Variants in LAMA2 observed in about 807,000 individuals in gnomAD.
LAMA2 encodes the protein laminin subunit alpha 2, also known as laminin subunit alpha-2.
Under a neutral mutation model 364.8 loss-of-function variants are expected in LAMA2, and 269 were observed. The ratio of observed to expected loss-of-function variants is 0.74; its 90% confidence interval spans 0.67 to 0.82. LAMA2 has a LOEUF of 0.82. Among genes scored for constraint, LAMA2 ranks in the 40% least tolerant of loss-of-function variants. The probability of loss-of-function intolerance (pLI) is 0.00; values close to 1 mark genes in which losing one functional copy is unlikely to be tolerated. For missense variants in LAMA2, 3,807 were observed against 3,873.2 expected (o/e 0.98, Z 0.45); for synonymous variants, 1,379 against 1,370.6 (o/e 1.01, Z -0.14).
At chr6:129,289,486 AG>A (rs1789528604) in intron 19 of LAMA2, among the ~76,000 whole-genome samples, 1 of 152,170 alleles carries the variant, frequency 6.6e-6, no homozygotes, top group African/African-American at 2.4e-5. Context: ...CAGTGCTCAT[AG>A]TAGCTGTGCA....
intron 12 of LAMA2, among the ~76,000 whole-genome samples, chr6:129,216,127 A>C (rs537648882): frequency 6.6e-6 from 1 of 152,304 alleles, no homozygotes; most frequent in South Asian, 2.1e-4. Flanking sequence ...TAGCCACAAA[A>C]CAACTAGGAC....
chr6:129,343,478 A>G (rs184357541), intron 30 of LAMA2, among the ~76,000 whole-genome samples: 2 of 152,260 alleles, frequency 1.3e-5, no homozygotes, highest in African/African-American at 4.8e-5. Context: ...GGTAAGCTGG[A>G]TATTGAAGAG....
chr6:129,296,551 T>A (rs1773192458), intron 20 of LAMA2, among the ~76,000 whole-genome samples: 1 of 152,024 alleles, frequency 6.6e-6, no homozygotes, highest in South Asian at 2.1e-4. Flanking sequence ...AAAATCTAAT[T>A]TTCAGTGTGA....
At chr6:129,172,511 T>G (rs1780250577) in intron 9 of LAMA2, among the ~76,000 whole-genome samples, 1 of 152,230 alleles carries the variant, frequency 6.6e-6, no homozygotes, top group Non-Finnish European at 1.5e-5. Context: ...AGGGACCCAC[T>G]TGAGGAGGCA....
chr6:128,935,551 A>G (rs1353948316), intron 1 of LAMA2, among the ~76,000 whole-genome samples: 4 of 152,180 alleles, frequency 2.6e-5, no homozygotes, highest in Admixed American at 2.0e-4. Flanking sequence ...TTATAGTAGC[A>G]TGATTTATAA....
chr6:128,931,885 C>T (rs1779505436), intron 1 of LAMA2, among the ~76,000 whole-genome samples: 2 of 152,088 alleles, frequency 1.3e-5, no homozygotes, highest in Non-Finnish European at 2.9e-5. Context: ...AAAATCTGTT[C>T]TTATTCTTTT....
At chr6:129,329,269 C>T (rs1437534148) in intron 29 of LAMA2, among the ~76,000 whole-genome samples, 1 of 152,192 alleles carries the variant, frequency 6.6e-6, no homozygotes, top group Non-Finnish European at 1.5e-5. Context: ...CTCCTCTTCC[C>T]TCAGTGTTCT....
intron 4 of LAMA2, among the ~76,000 whole-genome samples, chr6:129,133,883 C>A (rs769147346): frequency 5.9e-5 from 9 of 152,022 alleles, no homozygotes; most frequent in African/African-American, 2.2e-4. Flanking sequence ...CACACACACA[C>A]GCGCACACAC....
Position 129,465,170 on chromosome 6 carries a change from C to T in LAMA2, c.7181C>T (p.Thr2394Ile). Reference protein sequence around the residue: ...DLRDFMSVELTDGHIKVSYDL... With the variant: ...DLRDFMSVELIDGHIKVSYDL... ...AGAGATTTCATGAGTGTGGAGCTCA[C>T]TGATGGGCACATAAAAGTCAGTTAC... The change falls in exon 51 of 65, where the codon ACT becomes ATT. Residue 2394 changes from threonine to isoleucine, a missense_variant. Physicochemically the swap from Thr to Ile is moderately conservative, Grantham distance 89. Coordinates refer to ENST00000421865, the MANE Select transcript of LAMA2 (RefSeq NM_000426.4). 1 of 1,611,002 alleles carries T rather than the reference C, an allele frequency of 6.2e-7. No individual in the cohort carries two copies. The highest frequency in any genetic ancestry group is 8.5e-7 in the Non-Finnish European group (1 of 1,177,770).
At chr6:129,514,683 G>C in intron 64 of LAMA2, 88 bp downstream of exon 64, 2 of 993,502 alleles carry the variant, frequency 2.0e-6, no homozygotes, top group East Asian at 5.1e-5. Context: ...GTCTAAGAAT[G>C]TGTGCTTATG....
intron 3 of LAMA2, among the ~76,000 whole-genome samples, chr6:129,075,810 C>T (rs1248159957): frequency 6.6e-6 from 1 of 152,006 alleles, no homozygotes; most frequent in African/African-American, 2.4e-5. Flanking sequence ...CGAGTGGTGC[C>T]AGGCATGGTG....
chr6:129,496,371 G>A (rs1785195252), intron 58 of LAMA2, among the ~76,000 whole-genome samples: 1 of 152,066 alleles, frequency 6.6e-6, no homozygotes, highest in African/African-American at 2.4e-5. Flanking sequence ...TCTCCATGTT[G>A]GTCAGGCTGG....
intron 12 of LAMA2, among the ~76,000 whole-genome samples, chr6:129,225,131 A>G (rs923558609): frequency 6.6e-6 from 1 of 152,126 alleles, no homozygotes; most frequent in African/African-American, 2.4e-5. Context: ...AGAGGTGTTT[A>G]TAGTATTCTC....
At chr6:129,499,467 T>C (rs1236959610) in intron 58 of LAMA2, among the ~76,000 whole-genome samples, 2 of 152,176 alleles carry the variant, frequency 1.3e-5, no homozygotes, top group Admixed American at 6.5e-5. Context: ...TACCCTTTTT[T>C]CTTAGCTTAG....
At position 129,443,055 on chromosome 6, in the gene LAMA2, G is replaced by A. The variant is rs909535295; in HGVS notation, c.6269-8G>A. 1 of 1,587,464 alleles carries A rather than the reference G, an allele frequency of 6.3e-7. No homozygotes were observed. On this transcript the variant is annotated splice_polypyrimidine_tract_variant and splice_region_variant and intron_variant, in intron 43 of 64. Transcript: ENST00000421865. ...TTTTGTTTTGCTTCCATGTGAAATT[G>A]CCTGCAGAAATCAGTACGTATATGT...
intron 45 of LAMA2, 71 bp from the exon 46 acceptor site, chr6:129,452,917 G>A: frequency 2.2e-6 from 3 of 1,339,910 alleles, no homozygotes; most frequent in Non-Finnish European, 2.1e-6. Context: ...TGGCTTTGTG[G>A]TTGTATGGAA....
At chr6:128,893,004 A>C (rs933374147) in intron 1 of LAMA2, among the ~76,000 whole-genome samples, 1 of 151,986 alleles carries the variant, frequency 6.6e-6, no homozygotes, top group African/African-American at 2.4e-5. Context: ...ACCATCAAAA[A>C]GTTTCAATCT....
At position 129,416,175 on chromosome 6, in the gene LAMA2, T is replaced by A. The variant is rs1780780081; in HGVS notation, c.5866-11577T>A. On this transcript the variant is annotated intron_variant, in intron 40 of 64. Coordinates refer to ENST00000421865, the MANE Select transcript of LAMA2 (RefSeq NM_000426.4). ...CGTTTTAGCCGGGATGGTCTCGATC[T>A]CCTGACCTCGTGATCCGCCCGCCCA... is the stretch of plus-strand genomic sequence containing the variant. Among the ~76,000 whole-genome samples the A allele has an allele frequency of 4.9e-5, 2 of 40,738 alleles. 1 individual carries two copies. Among genetic ancestry groups the A allele is most frequent in the Non-Finnish European group, 9.1e-5 (2 of 21,950 alleles). 26.7% of individuals were successfully genotyped at this position (40,738 alleles called of 152,430 possible).
At chr6:129,155,072 T>C (rs1471834985) in intron 8 of LAMA2, among the ~76,000 whole-genome samples, 1 of 152,232 alleles carries the variant, frequency 6.6e-6, no homozygotes, top group Non-Finnish European at 1.5e-5. Flanking sequence ...GCATCAGTAG[T>C]TCTTTTTCTT....
Sources: allele counts gnomAD v4.1 joint callset (sites outside exome capture counted in the v4.1 genomes callset), GRCh38; gene constraint gnomAD v4.1.1; transcripts MANE v1.5; gene names NCBI Gene and HGNC (gene_info 2026-07-23, HGNC 2026-07-21).